The following EPHA3 variants were observed in gnomAD, a reference collection of about 807,000 sequenced individuals.
EPHA3 encodes the protein ephrin type-A receptor 3.
Under a neutral mutation model 107.1 loss-of-function variants are expected in EPHA3, and 42 were observed. The ratio of observed to expected loss-of-function variants is 0.39; its 90% CI spans 0.31 to 0.51. The LOEUF (loss-of-function observed/expected upper bound fraction) is 0.51, where lower values mean the gene tolerates loss of function less well. EPHA3 is among the 20% of genes least tolerant of loss of function. The pLI, the probability that EPHA3 is intolerant of heterozygous loss-of-function variation, is 0.78. For synonymous variants in EPHA3, 461 were observed against 424.8 expected (o/e 1.09, Z -1.05); for missense variants, 1,183 against 1,211.2 (o/e 0.98, Z 0.35).
intron 2 of EPHA3, among the ~76,000 whole-genome samples, chr3:89,138,067 G>A (rs1704353691): frequency 6.6e-6 from 1 of 151,910 alleles, no homozygotes; most frequent in South Asian, 2.1e-4. Context: ...GAGGCACACA[G>A]TACTTACTAA....
At chr3:89,172,273 G>A (rs536490396) in intron 2 of EPHA3, among the ~76,000 whole-genome samples, 9 of 152,242 alleles carry the variant, frequency 5.9e-5, no homozygotes, top group African/African-American at 1.7e-4. Flanking sequence ...CATGTCAGGA[G>A]CTCATTGTGT....
chr3:89,471,936 G>A (rs1171436268), intron 15 of EPHA3, among the ~76,000 whole-genome samples: 2 of 151,906 alleles, frequency 1.3e-5, no homozygotes, highest in Admixed American at 1.3e-4. Flanking sequence ...TTAATGACAT[G>A]CAGCATTATT....
intron 15 of EPHA3, among the ~76,000 whole-genome samples, chr3:89,456,788 G>C (rs1366110152): frequency 6.6e-6 from 1 of 152,164 alleles, no homozygotes; most frequent in Non-Finnish European, 1.5e-5. Flanking sequence ...TAAAAGTAGA[G>C]TAAATCAGAG....
At position 89,259,218 on chromosome 3, in the gene EPHA3, C is replaced by T. The variant is rs77120365; in HGVS notation, c.814+48698C>T. Among the ~76,000 whole-genome samples, 21 of 152,248 alleles carry T rather than the reference C, an allele frequency of 1.4e-4. 2 individuals are homozygous for T. The highest frequency in any genetic ancestry group is 5.1e-4 in the African/African-American group (21 of 41,556). Reference sequence around the variant, plus strand: ...CTGACCTTTGCTACTCTCAAGCTCACCAGTTCTTCTTCACCTGTGGCCACC... The same window carrying T: ...CTGACCTTTGCTACTCTCAAGCTCATCAGTTCTTCTTCACCTGTGGCCACC... On this transcript the variant is annotated intron_variant, in intron 3 of 16. Coordinates refer to ENST00000336596, the MANE Select transcript of EPHA3 (RefSeq NM_005233.6).
chr3:89,399,426 G>A lies in EPHA3; in HGVS notation c.1540G>A (p.Ala514Thr), dbSNP rs747853999. The A allele has an allele frequency of 6.2e-7, 1 of 1,614,104 alleles. No homozygotes were observed. The highest frequency in any genetic ancestry group is 1.1e-5 in the South Asian group (1 of 91,074). ...CGTATTCCAAATCCGAGCCCGAACAGCCGCTGGATATGGGACGAACAGCCG... is the reference window on the plus strand; with the variant it reads ...CGTATTCCAAATCCGAGCCCGAACAACCGCTGGATATGGGACGAACAGCCG... ...IYVFQIRART[A>T]AGYGTNSRKF... is the part of the protein sequence containing the mutation. The change falls in exon 7 of 17, where the codon GCC becomes ACC. Residue 514 changes from alanine (A) to threonine (T), a missense_variant. Physicochemically the swap from Ala to Thr is moderately conservative, Grantham distance 58. Coordinates refer to ENST00000336596, the MANE Select transcript of EPHA3 (RefSeq NM_005233.6).
chr3:89,309,393 T>A (rs1576303403), intron 3 of EPHA3, among the ~76,000 whole-genome samples: 1 of 152,246 alleles, frequency 6.6e-6, no homozygotes, highest in Admixed American at 6.5e-5. Context: ...GGAAAAGAGA[T>A]TAACAAATGT....
At chr3:89,195,786 C>T (rs1334640257) in intron 2 of EPHA3, among the ~76,000 whole-genome samples, 3 of 152,106 alleles carry the variant, frequency 2.0e-5, no homozygotes, top group Admixed American at 2.0e-4. Flanking sequence ...GCCTCCATTC[C>T]TCATCTAGCC....
At chr3:89,122,548 A>C (rs1469842248) in intron 1 of EPHA3, among the ~76,000 whole-genome samples, 1 of 152,060 alleles carries the variant, frequency 6.6e-6, no homozygotes, top group Non-Finnish European at 1.5e-5. Context: ...TCAGTAAAAA[A>C]CTGTGGCATT....
At chr3:89,241,358 C>T (rs1330516266) in intron 3 of EPHA3, among the ~76,000 whole-genome samples, 4 of 152,130 alleles carry the variant, frequency 2.6e-5, no homozygotes, top group African/African-American at 9.7e-5. Context: ...AACTGATTGG[C>T]ATTTGCCACT....
At chr3:89,303,443 GGCAAAAA>G (rs1706537240) in intron 3 of EPHA3, among the ~76,000 whole-genome samples, 1 of 115,368 alleles carries the variant, frequency 8.7e-6, no homozygotes, top group South Asian at 2.3e-4. Context: ...TCTATAAAAA[GGCAAAAA>G]AAAAAAAGAA....
At chr3:89,322,256 G>A (rs1415899195) in intron 3 of EPHA3, among the ~76,000 whole-genome samples, 2 of 152,036 alleles carry the variant, frequency 1.3e-5, no homozygotes, top group Admixed American at 6.6e-5. Context: ...TCACCTAAAA[G>A]AGCCTGCCAA....
chr3:89,161,952 G>A (rs1162080752), intron 2 of EPHA3, among the ~76,000 whole-genome samples: 2 of 151,502 alleles, frequency 1.3e-5, no homozygotes, highest in Non-Finnish European at 2.9e-5. Flanking sequence ...ACTCCAGCCT[G>A]GGTGATGGGA....
chr3:89,321,601 C>T (rs1431471393), intron 3 of EPHA3, among the ~76,000 whole-genome samples: 4 of 151,808 alleles, frequency 2.6e-5, no homozygotes, highest in African/African-American at 7.3e-5. Flanking sequence ...TTACCAAGTG[C>T]GAGCAAATAG....
chr3:89,125,452 A>G (rs1383111364), intron 1 of EPHA3, among the ~76,000 whole-genome samples: 2 of 151,748 alleles, frequency 1.3e-5, no homozygotes, highest in African/African-American at 4.8e-5. Context: ...AATATAATCT[A>G]TAACATTGAT....
At chr3:89,274,372 T>C (rs1194212327) in intron 3 of EPHA3, among the ~76,000 whole-genome samples, 2 of 151,974 alleles carry the variant, frequency 1.3e-5, no homozygotes, top group East Asian at 3.9e-4. Context: ...ACTTTATGAA[T>C]ATTGCAAACA....
chr3:89,372,911 A>C (rs749792978), intron 5 of EPHA3, among the ~76,000 whole-genome samples: 1 of 151,842 alleles, frequency 6.6e-6, no homozygotes, highest in Non-Finnish European at 1.5e-5. Flanking sequence ...AGAACCAAGG[A>C]TATGTCTACA....
At chr3:89,359,164 G>A (rs923171739) in intron 5 of EPHA3, among the ~76,000 whole-genome samples, 2 of 151,016 alleles carry the variant, frequency 1.3e-5, no homozygotes, top group Non-Finnish European at 3.0e-5. Flanking sequence ...CCTTATTTCA[G>A]ATAAAGACAA....
chr3:89,345,401 A>T (rs1002713626), intron 5 of EPHA3, among the ~76,000 whole-genome samples: 1 of 151,288 alleles, frequency 6.6e-6, no homozygotes, highest in African/African-American at 2.4e-5. Context: ...CTATCAAAAA[A>T]TTGGATTCAT....
intron 2 of EPHA3, among the ~76,000 whole-genome samples, chr3:89,149,068 A>T (rs1436421290): frequency 2.0e-5 from 3 of 152,048 alleles, no homozygotes; most frequent in Admixed American, 6.6e-5. Flanking sequence ...AAGAGACAGA[A>T]AAATGGGAGC....
Sources: gnomAD v4.1 joint callset for allele counts (sites outside exome capture counted in the v4.1 genomes callset) on GRCh38, gnomAD v4.1.1 for gene constraint, MANE v1.5 for transcripts, NCBI Gene and HGNC (gene_info 2026-07-23, HGNC 2026-07-21) for gene names.